TEN1: variants seen among roughly 807,000 people sequenced by gnomAD.
TEN1 encodes the protein CST complex subunit TEN1.
Under a neutral mutation model 9.3 loss-of-function variants are expected in TEN1, and 6 were observed. The observed-to-expected ratio is 0.65, with a 90% CI of 0.35 to 1.27. The LOEUF (loss-of-function observed/expected upper bound fraction) is 1.27. Ranked by LOEUF, TEN1 falls within the 50% of genes most tolerant of loss-of-function variation. TEN1 has a pLI of 0.03. For synonymous variants in TEN1, 65 were observed against 65.6 expected (o/e 0.99, Z 0.04); for missense variants, 149 against 158.2 (o/e 0.94, Z 0.31).
At chr17:75,998,168 CCTTTTTTTTTT>C (rs2066228539) in intron 3 of TEN1, among the ~76,000 whole-genome samples, 1 of 129,990 alleles carries the variant, frequency 7.7e-6, no homozygotes, top group South Asian at 2.1e-4. Flanking sequence ...CTTTTTTTTT[CCTTTTTTTTTT>C]TTTTTTGAGA....
intron 2 of TEN1, among the ~76,000 whole-genome samples, chr17:75,989,256 C>T (rs1156411015): frequency 1.5e-4 from 22 of 151,692 alleles, no homozygotes; most frequent in Middle Eastern, 3.4e-3. Context: ...CCTGCCACCA[C>T]GCCCGGCTAA....
intron 2 of TEN1, 52 bp from the exon 3 acceptor site, chr17:75,991,414 G>C (rs1447356599): frequency 1.3e-6 from 2 of 1,534,738 alleles, no homozygotes; most frequent in African/African-American, 2.8e-5. Flanking sequence ...TTTTGAGCGT[G>C]GTGGTGATTC....
intron 3 of TEN1, among the ~76,000 whole-genome samples, chr17:75,999,283 T>C (rs1414671493): frequency 6.6e-6 from 1 of 152,052 alleles, no homozygotes; most frequent in Non-Finnish European, 1.5e-5. Flanking sequence ...GGAGGCTACA[T>C]TGAGCCATGA....
chr17:75,998,296 T>C (rs1835811930), intron 3 of TEN1, among the ~76,000 whole-genome samples: 1 of 150,734 alleles, frequency 6.6e-6, no homozygotes, highest in Non-Finnish European at 1.5e-5. Flanking sequence ...GCCTCCCAAG[T>C]AGTCGGGCCT....
Position 75,979,473 on chromosome 17 carries a change from G to A in TEN1, c.-45G>A, listed in dbSNP as rs1226529109. On this transcript the variant is annotated 5_prime_UTR_variant, in exon 1 of 4. Coordinates refer to ENST00000397640, the MANE Select transcript of TEN1 (RefSeq NM_001113324.3). ...CCCCCGTCACGTGACCACGCGAGGC[G>A]GAAAGAAGAAATCCGAGGACCGGCG... 2.9e-6 allele frequency: 1 copy of A among 342,982 alleles called. No homozygotes were observed. The highest frequency in any genetic ancestry group is 4.1e-5 in the Admixed American group (1 of 24,110). 21.2% of individuals were successfully genotyped at this position (342,982 alleles called of 1,614,324 possible). A position where few individuals can be genotyped will look rare whatever the true frequency, so the allele number is the denominator to read the frequency against.
chr17:75,991,760 C>A, intron 3 of TEN1, 137 bp downstream of exon 3: 1 of 1,110,056 alleles, frequency 9.0e-7, no homozygotes, highest in Non-Finnish European at 1.2e-6. Flanking sequence ...AATTAGCCCA[C>A]AAGTTCAACA....
intron 3 of TEN1, among the ~76,000 whole-genome samples, chr17:75,997,316 G>A (rs2066223527): frequency 1.3e-5 from 2 of 152,038 alleles, no homozygotes; most frequent in Non-Finnish European, 2.9e-5. Flanking sequence ...GCATTCCCCT[G>A]CTCTGCCTAG....
intron 1 of TEN1, chr17:75,984,941 T>C (rs1257356652): frequency 6.6e-6 from 1 of 152,120 alleles, no homozygotes; most frequent in Non-Finnish European, 1.5e-5. Flanking sequence ...GAGGAACGTG[T>C]TGATGAAGAG....
At chr17:75,991,094 G>C (rs2066181910) in intron 2 of TEN1, among the ~76,000 whole-genome samples, 1 of 135,464 alleles carries the variant, frequency 7.4e-6, no homozygotes, top group Non-Finnish European at 1.5e-5. Context: ...AGGTTGCAGT[G>C]AGCCGAGATT....
chr17:75,996,082 C>A (rs1430256991), intron 3 of TEN1, among the ~76,000 whole-genome samples: 2 of 151,486 alleles, frequency 1.3e-5, no homozygotes. Context: ...CAAAATGAGA[C>A]CCTGTTTCTA....
At position 76,000,475 on chromosome 17, in the gene TEN1, C is replaced by A; in HGVS notation, c.*213C>A. 1 of 725,366 alleles carries A rather than the reference C, an allele frequency of 1.4e-6. No individual in the cohort carries two copies. The highest frequency in any genetic ancestry group is 2.1e-6 in the Non-Finnish European group (1 of 474,026). 44.9% of individuals were successfully genotyped at this position (725,366 alleles called of 1,614,324 possible). ...CATGCCATAAATCCGACAGCCCCAC[C>A]CCAGGAGACTGCAGGTGGCCGAGCT... On this transcript the variant is annotated 3_prime_UTR_variant, in exon 4 of 4. Transcript: ENST00000397640. This position sits in a 1 kb window ranked among gnomAD's most constrained non-coding sequence, Gnocchi z 5.9.
chr17:75,996,706 CAAAAA>C (rs35106916), intron 3 of TEN1, among the ~76,000 whole-genome samples: 1 of 95,956 alleles, frequency 1.0e-5, no homozygotes, highest in Non-Finnish European at 2.3e-5. Flanking sequence ...GAGACCCTGT[CAAAAA>C]AAAAAAAAAA....
intron 3 of TEN1, among the ~76,000 whole-genome samples, chr17:75,994,434 CAAA>C (rs372733441): frequency 7.3e-6 from 1 of 136,492 alleles, no homozygotes. Flanking sequence ...AACTCCGTCT[CAAA>C]AAAAAAAAAG....
At position 75,979,263 on chromosome 17, in the gene TEN1, GC is replaced by G; in HGVS notation, c.-252del. The stretch of plus-strand genomic sequence containing the variant: ...GCCCTTTGGCGCGTGAGTGACAGCG[GC>G]CCAGACAGAGGGGGCGATGTCCGCG... On this transcript the variant is annotated 5_prime_UTR_variant, in exon 1 of 4. Transcript: ENST00000397640. 1 of 765,604 alleles carries G rather than the reference GC, an allele frequency of 1.3e-6. No homozygotes were observed. The highest frequency in any genetic ancestry group is 2.2e-6 in the Non-Finnish European group (1 of 464,880). The allele number at this position is 765,604 out of a possible 1,614,324, so 47.4% of individuals were successfully genotyped here. A position where few individuals can be genotyped will look rare whatever the true frequency, so the allele number is the denominator to read the frequency against.
intron 2 of TEN1, among the ~76,000 whole-genome samples, chr17:75,991,159 A>G (rs528683150): frequency 6.6e-6 from 1 of 151,078 alleles, no homozygotes; most frequent in Admixed American, 6.6e-5. Context: ...CAAAAAAAAA[A>G]AAAAAAAAAG....
At chr17:75,994,162 C>T (rs553914118) in intron 3 of TEN1, among the ~76,000 whole-genome samples, 81 of 151,882 alleles carry the variant, frequency 5.3e-4, no homozygotes, top group Middle Eastern at 3.4e-3. Flanking sequence ...TCGCTGGGCG[C>T]GGTGGCTCAC....
intron 1 of TEN1, 47 bp from the exon 2 acceptor site, chr17:75,986,140 C>T (rs906529914): frequency 1.6e-5 from 22 of 1,411,058 alleles, no homozygotes; most frequent in East Asian, 2.6e-5. Context: ...GTAGTCTATC[C>T]GGTTTATCAG....
intron 3 of TEN1, among the ~76,000 whole-genome samples, chr17:75,998,696 A>G (rs977516285): frequency 1.3e-4 from 20 of 151,278 alleles, no homozygotes; most frequent in African/African-American, 4.1e-4. Flanking sequence ...GAATCTATTT[A>G]TTTACTTATT....
Position 75,979,294 on chromosome 17 carries a change from G to T in TEN1, c.-224G>T. On this transcript the variant is annotated 5_prime_UTR_variant, in exon 1 of 4. Coordinates refer to ENST00000397640, the MANE Select transcript of TEN1 (RefSeq NM_001113324.3). ...ACAGAGGGGGCGATGTCCGCGTCGTGGCTGGGGCCGGTCGCGGGGCAGACT... is the reference window on the plus strand; with the variant it reads ...ACAGAGGGGGCGATGTCCGCGTCGTTGCTGGGGCCGGTCGCGGGGCAGACT... The T allele has an allele frequency of 1.5e-6, 1 of 654,814 alleles. No individual in the cohort carries two copies. Among genetic ancestry groups the T allele is most frequent in the Non-Finnish European group, 2.7e-6 (1 of 376,638 alleles). 40.6% of individuals were successfully genotyped at this position (654,814 alleles called of 1,614,324 possible).
Sources: allele counts gnomAD v4.1 joint callset (sites outside exome capture counted in the v4.1 genomes callset), GRCh38; gene constraint gnomAD v4.1.1; non-coding constraint Gnocchi (gnomAD v3.1); transcripts MANE v1.5; gene names NCBI Gene and HGNC (gene_info 2026-07-23, HGNC 2026-07-21).